The following EXOC4 variants were observed in gnomAD, a reference collection of about 807,000 sequenced individuals.
EXOC4 encodes SEC8-like 1.
EXOC4 carries 71 observed loss-of-function variants against 107.2 expected under a neutral mutation model. That is an observed-to-expected ratio of 0.66 (90% CI 0.55 to 0.81). The LOEUF (loss-of-function observed/expected upper bound fraction) is 0.81. Among genes scored for constraint, EXOC4 ranks in the 30% least tolerant of loss-of-function variants. EXOC4 has a pLI of 0.00. For missense variants in EXOC4, 1,108 were observed against 1,189.6 expected (o/e 0.93, Z 1.01); for synonymous variants, 456 against 441.2 (o/e 1.03, Z -0.42).
At chr7:133,564,778 CA>C (rs1464274653) in intron 9 of EXOC4, among the ~76,000 whole-genome samples, 1 of 151,948 alleles carries the variant, frequency 6.6e-6, no homozygotes. Flanking sequence ...ATATGAGAGA[CA>C]AAAAGGAGAC....
At chr7:134,033,037 C>CAATA (rs1795303288) in intron 17 of EXOC4, among the ~76,000 whole-genome samples, 1 of 151,872 alleles carries the variant, frequency 6.6e-6, no homozygotes, top group Non-Finnish European at 1.5e-5. Context: ...GAGGATTTAC[C>CAATA]AATAAATAAA....
intron 14 of EXOC4, among the ~76,000 whole-genome samples, chr7:133,995,987 A>G (rs567943511): frequency 1.3e-5 from 2 of 152,284 alleles, no homozygotes; most frequent in Admixed American, 6.5e-5. Flanking sequence ...TCTTTCTTCC[A>G]AAGGACTCTT....
intron 14 of EXOC4, among the ~76,000 whole-genome samples, chr7:133,983,199 A>T (rs1794035836): frequency 6.6e-6 from 1 of 152,154 alleles, no homozygotes; most frequent in Admixed American, 6.5e-5. Flanking sequence ...TATTGTGAGG[A>T]TGGCACCAAG....
intron 9 of EXOC4, among the ~76,000 whole-genome samples, chr7:133,498,853 G>A (rs138081417): frequency 1.3e-5 from 2 of 152,262 alleles, no homozygotes; most frequent in African/African-American, 2.4e-5. Flanking sequence ...TCATAACCTT[G>A]TGGGCTTCTC....
At chr7:133,833,614 G>A (rs955543996) in intron 11 of EXOC4, among the ~76,000 whole-genome samples, 1 of 152,194 alleles carries the variant, frequency 6.6e-6, no homozygotes, top group Admixed American at 6.5e-5. Context: ...CCAGGCTGGA[G>A]AGCAGTAGTA....
chr7:133,367,176 G>A (rs1285028740), intron 6 of EXOC4, among the ~76,000 whole-genome samples: 1 of 152,172 alleles, frequency 6.6e-6, no homozygotes. Context: ...TAAGGGATAT[G>A]TGTGTGAGTT....
the EXOC4 span, among the ~76,000 whole-genome samples, chr7:134,079,378 A>G: frequency 1.3e-5 from 2 of 149,390 alleles, no homozygotes; most frequent in African/African-American, 5.0e-5. Flanking sequence ...GTGCTGTTTC[A>G]TAGCTGTCAA....
intron 5 of EXOC4, among the ~76,000 whole-genome samples, chr7:133,337,100 C>T (rs1795535478): frequency 6.6e-6 from 1 of 152,070 alleles, no homozygotes; most frequent in East Asian, 1.9e-4. Flanking sequence ...CAATTTTTCA[C>T]TCTTGAAATA....
intron 10 of EXOC4, among the ~76,000 whole-genome samples, chr7:133,773,499 T>G (rs1242727289): frequency 6.6e-6 from 1 of 151,612 alleles, no homozygotes. Context: ...TTATTTTTCT[T>G]TTTGAGCTCC....
chr7:133,467,115 C>T (rs539497935), intron 7 of EXOC4, among the ~76,000 whole-genome samples: 4 of 152,114 alleles, frequency 2.6e-5, no homozygotes, highest in Middle Eastern at 3.4e-3. Context: ...AATTTATTGT[C>T]GCCATGTGCT....
intron 2 of EXOC4, among the ~76,000 whole-genome samples, chr7:133,287,771 C>T (rs1037586081): frequency 6.6e-6 from 1 of 152,182 alleles, no homozygotes; most frequent in Non-Finnish European, 1.5e-5. Context: ...ATTTTGTCCT[C>T]ATATTTTCCG....
chr7:134,099,522 CTTTTTTTTTTTTT>C, the EXOC4 span, among the ~76,000 whole-genome samples: 21,495 of 103,822 alleles, frequency 0.21, 2,381 homozygotes, highest in African/African-American at 0.36. Flanking sequence ...CATCACACTT[CTTTTTTTTTTTTT>C]TTTTTTTTTT....
chr7:133,255,210 C>T (rs907288322), intron 1 of EXOC4, among the ~76,000 whole-genome samples: 2 of 151,510 alleles, frequency 1.3e-5, no homozygotes, highest in African/African-American at 4.9e-5. Context: ...CAGAGTCTTG[C>T]TCTGTCCCCA....
At chr7:133,529,485 C>G (rs1189280671) in intron 9 of EXOC4, among the ~76,000 whole-genome samples, 1 of 152,092 alleles carries the variant, frequency 6.6e-6, no homozygotes, top group African/African-American at 2.4e-5. Context: ...TCCTATTACT[C>G]CATTTGATTG....
intron 10 of EXOC4, among the ~76,000 whole-genome samples, chr7:133,755,954 T>G (rs1363953717): frequency 6.6e-6 from 1 of 152,162 alleles, no homozygotes; most frequent in Non-Finnish European, 1.5e-5. Flanking sequence ...GTATTCTCAG[T>G]AAGATCATTG....
intron 7 of EXOC4, among the ~76,000 whole-genome samples, chr7:133,395,442 A>G (rs930615079): frequency 1.3e-5 from 2 of 152,060 alleles, no homozygotes; most frequent in African/African-American, 4.8e-5. Flanking sequence ...AAATTCTTGT[A>G]TTTTATATCT....
chr7:133,558,030 TATG>T (rs1361674822), intron 9 of EXOC4, among the ~76,000 whole-genome samples: 1 of 152,220 alleles, frequency 6.6e-6, no homozygotes, highest in East Asian at 1.9e-4. Flanking sequence ...GGGAAATTAG[TATG>T]ATAAGTGTTT....
rs1054838400 is a variant in EXOC4, at chr7:134,008,773, C to T, written c.2687+938C>T. ...TCCTCCGAGGAGCTGGGACTAAAGGCGAACACCACCATGCCTGGCTAATTT... is the reference window on the plus strand; with the variant it reads ...TCCTCCGAGGAGCTGGGACTAAAGGTGAACACCACCATGCCTGGCTAATTT... On this transcript the variant is annotated intron_variant, in intron 17 of 17. Coordinates refer to ENST00000253861, the MANE Select transcript of EXOC4 (RefSeq NM_021807.4). Among the ~76,000 whole-genome samples the T allele has an allele frequency of 2.7e-5, 4 of 147,912 alleles. 1 individual carries two copies. The highest frequency in any genetic ancestry group is 2.1e-4 in the Admixed American group (3 of 14,626).
intron 2 of EXOC4, among the ~76,000 whole-genome samples, chr7:133,288,697 TTTTCTCA>T (rs1794336448): frequency 6.6e-6 from 1 of 152,304 alleles, no homozygotes; most frequent in South Asian, 2.1e-4. Context: ...TTGGGAGTAG[TTTTCTCA>T]TTTCATGGGA....
Sources: gnomAD v4.1 joint callset for allele counts (sites outside exome capture counted in the v4.1 genomes callset) on GRCh38, gnomAD v4.1.1 for gene constraint, MANE v1.5 for transcripts, NCBI Gene and HGNC (gene_info 2026-07-23, HGNC 2026-07-21) for gene names.